OR1J2: variants seen among roughly 807,000 people sequenced by gnomAD.
OR1J2 encodes olfactory receptor family 1 subfamily J member 2.
For missense variants in OR1J2, 304 were observed against 246.1 expected (o/e 1.24, Z -1.57); for synonymous variants, 142 against 99.7 (o/e 1.42, Z -2.52).
At chr9:122,523,910 G>T in the OR1J2 span, among the ~76,000 whole-genome samples, 3 of 152,282 alleles carry the variant, frequency 2.0e-5, no homozygotes, top group Non-Finnish European at 1.5e-5. Context: ...AGCATGCCCT[G>T]CTCATTACCC....
the OR1J2 span, among the ~76,000 whole-genome samples, chr9:122,580,283 T>C: frequency 6.6e-6 from 1 of 152,176 alleles, no homozygotes; most frequent in African/African-American, 2.4e-5. Context: ...AACTAATTCA[T>C]ATTGAGGACT....
At chr9:122,553,935 T>A in the OR1J2 span, 1 of 1,614,058 alleles carries the variant, frequency 6.2e-7, no homozygotes, top group Admixed American at 1.7e-5. Flanking sequence ...GAAGGCCTTC[T>A]CTACCTGTGG....
the OR1J2 span, among the ~76,000 whole-genome samples, chr9:122,488,786 G>T: frequency 6.6e-6 from 1 of 152,124 alleles, no homozygotes; most frequent in Non-Finnish European, 1.5e-5. Context: ...TCATTCAGAA[G>T]AATATTGTAT....
chr9:122,568,036 A>G, the OR1J2 span: 25 of 1,614,068 alleles, frequency 1.5e-5, no homozygotes, highest in African/African-American at 3.1e-4. Flanking sequence ...GAGCAGGAGA[A>G]GGCCACCAGC....
At chr9:122,567,723 AAG>A in the OR1J2 span, 20 of 1,614,076 alleles carry the variant, frequency 1.2e-5, no homozygotes, top group Non-Finnish European at 1.6e-5. Context: ...GCTTCCATAA[AAG>A]AGCGTCACCA....
chr9:122,514,488 T>C (rs1470137680), downstream of OR1J2, among the ~76,000 whole-genome samples: 1 of 152,192 alleles, frequency 6.6e-6, no homozygotes, highest in Non-Finnish European at 1.5e-5. Flanking sequence ...TAGTATTCCA[T>C]GGTGTACTAC....
chr9:122,523,300 G>A, the OR1J2 span, among the ~76,000 whole-genome samples: 1 of 152,130 alleles, frequency 6.6e-6, no homozygotes, highest in Non-Finnish European at 1.5e-5. Context: ...CAAGAGGTGA[G>A]TCTAGACAGG....
chr9:122,491,218 A>G, the OR1J2 span, among the ~76,000 whole-genome samples: 1 of 152,180 alleles, frequency 6.6e-6, no homozygotes, highest in African/African-American at 2.4e-5. Context: ...TATTCACTGA[A>G]GGCAATATAG....
At chr9:122,473,461 T>TAGC in the OR1J2 span, among the ~76,000 whole-genome samples, 1 of 152,190 alleles carries the variant, frequency 6.6e-6, no homozygotes, top group Non-Finnish European at 1.5e-5. Context: ...GAAGGGCCAT[T>TAGC]AGCAGTTTAT....
chr9:122,499,456 T>C, the OR1J2 span, among the ~76,000 whole-genome samples: 2 of 152,140 alleles, frequency 1.3e-5, no homozygotes, highest in Admixed American at 6.5e-5. Context: ...GTGCTTTGAA[T>C]GCCTGGAGAT....
In OR1J2 at chr9:122,511,683, C is replaced by T. The variant is rs891476614; in HGVS notation, c.882C>T (p.Asn294=). The stretch of plus-strand genomic sequence containing the variant: ...ACCCCTTTATCTACAGCCTTAGGAA[C>T]AGGGACATGAAAGAGGCCCTTGGGA... ...MLNPFIYSLR[N]RDMKEALGKL... is the part of the protein sequence containing the mutation. Residue 294 remains asparagine (N), a synonymous_variant, in exon 1 of 1, where the codon AAC becomes AAT. Coordinates refer to ENST00000335302, the MANE Select transcript of OR1J2 (RefSeq NM_054107.1). 1.3e-6 allele frequency: 1 copy of T among 780,948 alleles called. No individual in the cohort carries two copies. Among genetic ancestry groups the T allele is most frequent in the Non-Finnish European group, 2.4e-6 (1 of 418,138 alleles). 48.4% of individuals were successfully genotyped at this position (780,948 alleles called of 1,614,324 possible).
chr9:122,484,150 C>T, the OR1J2 span, among the ~76,000 whole-genome samples: 2 of 151,952 alleles, frequency 1.3e-5, no homozygotes, highest in Non-Finnish European at 2.9e-5. Flanking sequence ...ATAATTTTTA[C>T]TATTTTTGGG....
chr9:122,552,570 A>C, the OR1J2 span, among the ~76,000 whole-genome samples: 1 of 151,932 alleles, frequency 6.6e-6, no homozygotes. Context: ...CTAACAGTGG[A>C]TGGGGGAGTA....
chr9:122,537,067 G>C, the OR1J2 span, among the ~76,000 whole-genome samples: 1 of 152,210 alleles, frequency 6.6e-6, no homozygotes, highest in Admixed American at 6.5e-5. Context: ...GCTTTATTCA[G>C]CTGGGAGCAT....
At chr9:122,462,950 T>C in the OR1J2 span, among the ~76,000 whole-genome samples, 72 of 152,222 alleles carry the variant, frequency 4.7e-4, no homozygotes, top group Non-Finnish European at 7.6e-4. Context: ...TTGAGCTTCT[T>C]GTATTTAGAT....
At chr9:122,530,951 G>A in the OR1J2 span, among the ~76,000 whole-genome samples, 1 of 152,262 alleles carries the variant, frequency 6.6e-6, no homozygotes, top group African/African-American at 2.4e-5. Context: ...ATCCGGATGT[G>A]TACGCGCAGG....
chr9:122,466,848 C>G, the OR1J2 span, among the ~76,000 whole-genome samples: 1 of 151,586 alleles, frequency 6.6e-6, no homozygotes, highest in Non-Finnish European at 1.5e-5. Flanking sequence ...GACAGAGTTT[C>G]TCTCTTATCT....
chr9:122,514,872 A>C (rs1828678181), downstream of OR1J2, among the ~76,000 whole-genome samples: 1 of 152,118 alleles, frequency 6.6e-6, no homozygotes, highest in Admixed American at 6.5e-5. Context: ...CTGCCCTTAG[A>C]GCCACTTGCC....
At chr9:122,498,865 G>T in the OR1J2 span, among the ~76,000 whole-genome samples, 1 of 152,166 alleles carries the variant, frequency 6.6e-6, no homozygotes, top group Admixed American at 6.5e-5. Context: ...CCCATGAGGT[G>T]TAACTGTAGA....
Sources: gnomAD v4.1 joint callset for allele counts (sites outside exome capture counted in the v4.1 genomes callset) on GRCh38, gnomAD v4.1.1 for gene constraint, MANE v1.5 for transcripts, NCBI Gene and HGNC (gene_info 2026-07-23, HGNC 2026-07-21) for gene names.